The following NPSR1 variants were observed in gnomAD, a reference collection of about 807,000 sequenced individuals.
The protein encoded by NPSR1 is neuropeptide S receptor.
In NPSR1, 48 loss-of-function variants were observed where a neutral mutation model predicts 46.9. The observed-to-expected ratio is 1.02, with a 90% CI of 0.81 to 1.30. NPSR1 has a LOEUF of 1.30. NPSR1 is among the 50% of genes most tolerant of loss of function. The pLI is 0.00. For synonymous variants in NPSR1, 176 were observed against 168.1 expected, an observed-to-expected ratio of 1.05 and a Z score of -0.36; for missense variants, 450 against 449.5, an observed-to-expected ratio of 1.00 and a Z score of -0.01.
intron 2 of NPSR1, among the ~76,000 whole-genome samples, chr7:34,771,489 C>G (rs780620114): frequency 3.9e-5 from 6 of 152,040 alleles, no homozygotes; most frequent in African/African-American, 1.2e-4. Flanking sequence ...CCCTAGTTTT[C>G]TAAAGGAGCA....
intron 3 of NPSR1, among the ~76,000 whole-genome samples, chr7:34,797,031 C>T (rs544656650): frequency 7.9e-5 from 12 of 152,210 alleles, no homozygotes; most frequent in African/African-American, 1.4e-4. Context: ...TTAAAGGTTA[C>T]GTGTCTCATG....
chr7:34,758,307 T>C (rs1374194831), intron 2 of NPSR1: 1 of 152,220 alleles, frequency 6.6e-6, no homozygotes, highest in East Asian at 1.9e-4. Flanking sequence ...TGGTGTTTCA[T>C]GGGAACAGAT....
chr7:34,663,083 ATG>A (rs1348457067), intron 1 of NPSR1, among the ~76,000 whole-genome samples: 5 of 52,726 alleles, frequency 9.5e-5, no homozygotes, highest in East Asian at 1.1e-3. Context: ...GTGTGTGTGT[ATG>A]TGTGTGTGGC....
intron 3 of NPSR1, among the ~76,000 whole-genome samples, chr7:34,792,703 A>ATATATATATTTATATATATATATG (rs57249705): frequency 2.9e-4 from 26 of 88,516 alleles, no homozygotes; most frequent in Non-Finnish European, 4.4e-4. Flanking sequence ...ATATATACGT[A>ATATATATATTTATATATATATATG]TATATATATA....
At chr7:34,771,910 G>GT (rs1274980833) in intron 2 of NPSR1, among the ~76,000 whole-genome samples, 1 of 152,110 alleles carries the variant, frequency 6.6e-6, no homozygotes, top group African/African-American at 2.4e-5. Context: ...TCACAATCAT[G>GT]TTCTGTGTTC....
chr7:34,735,394 C>T (rs1203405910), intron 2 of NPSR1, among the ~76,000 whole-genome samples: 4 of 152,124 alleles, frequency 2.6e-5, no homozygotes, highest in Non-Finnish European at 4.4e-5. Flanking sequence ...CCATTCTTGG[C>T]AGGGCCATCT....
At chr7:34,728,083 T>A (rs1421632398) in intron 2 of NPSR1, among the ~76,000 whole-genome samples, 1 of 151,990 alleles carries the variant, frequency 6.6e-6, no homozygotes, top group African/African-American at 2.4e-5. Flanking sequence ...AAGTTTTTTT[T>A]ATTATTATTA....
At chr7:34,871,859 T>C (rs1278396159) in intron 8 of NPSR1, among the ~76,000 whole-genome samples, 5 of 152,044 alleles carry the variant, frequency 3.3e-5, no homozygotes, top group Middle Eastern at 3.4e-3. Context: ...ATGGCTGTTC[T>C]CAAGAGTTGG....
At chr7:34,874,981 A>AGCACT (rs148109689) in intron 8 of NPSR1, among the ~76,000 whole-genome samples, 12 of 152,272 alleles carry the variant, frequency 7.9e-5, no homozygotes, top group African/African-American at 2.6e-4. Flanking sequence ...TACTTCCTCT[A>AGCACT]TCACTTATCT....
At chr7:34,810,597 C>T (rs1011513774) in intron 3 of NPSR1, among the ~76,000 whole-genome samples, 1 of 152,154 alleles carries the variant, frequency 6.6e-6, no homozygotes, top group Non-Finnish European at 1.5e-5. Flanking sequence ...TCCCTAAAAC[C>T]GGAACCCTTC....
chr7:34,702,233 G>A (rs891021647), intron 2 of NPSR1, among the ~76,000 whole-genome samples: 1 of 152,210 alleles, frequency 6.6e-6, no homozygotes, highest in East Asian at 1.9e-4. Context: ...GGACAGAGGG[G>A]CTCATATCAG....
intron 3 of NPSR1, among the ~76,000 whole-genome samples, chr7:34,789,075 C>G (rs995373111): frequency 2.0e-5 from 3 of 151,736 alleles, no homozygotes; most frequent in Admixed American, 1.3e-4. Context: ...AAATTAAAAG[C>G]AAAAATTTAA....
At chr7:34,845,237 G>A (rs1342929206) in intron 7 of NPSR1, among the ~76,000 whole-genome samples, 3 of 152,164 alleles carry the variant, frequency 2.0e-5, no homozygotes, top group African/African-American at 7.2e-5. Context: ...ATCTGATTAG[G>A]ACCTAACTAG....
At chr7:34,824,065 G>GA (rs1477286777) in intron 4 of NPSR1, among the ~76,000 whole-genome samples, 2 of 152,074 alleles carry the variant, frequency 1.3e-5, no homozygotes, top group African/African-American at 4.8e-5. Context: ...CTTTTCAGAG[G>GA]AAAAAAATTA....
chr7:34,746,689 A>T (rs1785220569), intron 2 of NPSR1, among the ~76,000 whole-genome samples: 1 of 152,230 alleles, frequency 6.6e-6, no homozygotes, highest in African/African-American at 2.4e-5. Context: ...CAGGTTAATT[A>T]GGAAATGAGA....
intron 6 of NPSR1, among the ~76,000 whole-genome samples, chr7:34,838,310 G>A (rs989726002): frequency 2.6e-5 from 4 of 152,130 alleles, no homozygotes; most frequent in African/African-American, 9.7e-5. Context: ...CCTCCCAAAG[G>A]TGGAAATGGC....
intron 3 of NPSR1, among the ~76,000 whole-genome samples, chr7:34,790,671 T>TTATATGTTCTATGTTATATATAA (rs1164291338): frequency 5.4e-5 from 7 of 130,674 alleles, no homozygotes; most frequent in Non-Finnish European, 1.0e-4. Flanking sequence ...TAAATATATG[T>TTATATGTTCTATGTTATATATAA]TATATGTTCT....
chr7:34,815,651 A>T (rs1789209524), intron 4 of NPSR1, among the ~76,000 whole-genome samples: 2 of 152,228 alleles, frequency 1.3e-5, no homozygotes, highest in African/African-American at 2.4e-5. Flanking sequence ...AAAAAATGTT[A>T]ACGGCAGCCA....
intron 1 of NPSR1, among the ~76,000 whole-genome samples, chr7:34,669,842 T>TCTAA (rs1025418861): frequency 9.2e-5 from 14 of 152,166 alleles, no homozygotes; most frequent in African/African-American, 3.4e-4. Flanking sequence ...AACTGCAATC[T>TCTAA]CTAACTATCC....
Sources: gnomAD v4.1 joint callset for allele counts (sites outside exome capture counted in the v4.1 genomes callset) on GRCh38, gnomAD v4.1.1 for gene constraint, MANE v1.5 for transcripts, NCBI Gene and HGNC (gene_info 2026-07-23, HGNC 2026-07-21) for gene names.